FCHO2: variants seen among roughly 807,000 people sequenced by gnomAD.
The protein encoded by FCHO2 is F-BAR domain only protein 2.
Under a neutral mutation model 114.1 loss-of-function variants are expected in FCHO2, and 43 were observed. That is an observed-to-expected ratio of 0.38 (90% CI 0.30 to 0.49). The LOEUF (loss-of-function observed/expected upper bound fraction) is 0.49. Among genes scored for constraint, FCHO2 ranks in the 20% least tolerant of loss-of-function variants. FCHO2 has a pLI of 0.97. For synonymous variants in FCHO2, 293 were observed against 315.2 expected (o/e 0.93, Z 0.75); for missense variants, 807 against 950.4 (o/e 0.85, Z 1.98).
intron 8 of FCHO2, among the ~76,000 whole-genome samples, chr5:73,023,624 C>T (rs1192300809): frequency 1.3e-5 from 2 of 151,624 alleles, no homozygotes; most frequent in African/African-American, 4.9e-5. Context: ...TGCTTGAACC[C>T]GGGAGGCAGA....
intron 5 of FCHO2, chr5:72,997,738 C>T: frequency 7.0e-7 from 1 of 1,438,266 alleles, no homozygotes; most frequent in East Asian, 2.6e-5. Context: ...GTGAGGACTG[C>T]CTGGGCAGGG....
chr5:72,961,658 G>A (rs892614082), intron 1 of FCHO2, among the ~76,000 whole-genome samples: 3 of 151,432 alleles, frequency 2.0e-5, no homozygotes, highest in South Asian at 2.1e-4. Context: ...GCAATGGCGC[G>A]ATCTCAGCTC....
chr5:72,963,593 A>C (rs1342499893), intron 1 of FCHO2, among the ~76,000 whole-genome samples: 1 of 151,772 alleles, frequency 6.6e-6, no homozygotes, highest in Non-Finnish European at 1.5e-5. Context: ...CCCAGGCTGG[A>C]GTGCAGTGGC....
intron 9 of FCHO2, among the ~76,000 whole-genome samples, chr5:73,036,648 T>A (rs1183301866): frequency 6.6e-6 from 1 of 152,216 alleles, no homozygotes; most frequent in Non-Finnish European, 1.5e-5. Flanking sequence ...AGTGCTGGGA[T>A]TATAGGCATG....
At chr5:72,979,350 G>A (rs1753053508) in intron 2 of FCHO2, among the ~76,000 whole-genome samples, 2 of 120,960 alleles carry the variant, frequency 1.7e-5, no homozygotes, top group African/African-American at 6.1e-5. Flanking sequence ...GAGGGTGTAT[G>A]TGTATGTGTC....
At position 73,089,670 on chromosome 5, in the gene FCHO2, G is replaced by T. The variant is rs1378119906; in HGVS notation, c.*1580G>T. 1 of 152,392 alleles carries T rather than the reference G, an allele frequency of 6.6e-6. No homozygotes were observed. The highest frequency in any genetic ancestry group is 2.4e-5 in the African/African-American group (1 of 41,394). 9.4% of individuals were successfully genotyped at this position (152,392 alleles called of 1,614,324 possible). On this transcript the variant is annotated 3_prime_UTR_variant, in exon 26 of 26. Coordinates refer to ENST00000430046, the MANE Select transcript of FCHO2 (RefSeq NM_138782.3). ...TTGCCTAGTAGAAGTGATAAATTGT[G>T]TTATATATGATAATTTATATAAAAC...
At chr5:73,076,830 A>C (rs1742929504) in intron 20 of FCHO2, among the ~76,000 whole-genome samples, 1 of 152,166 alleles carries the variant, frequency 6.6e-6, no homozygotes, top group Non-Finnish European at 1.5e-5. Context: ...TAGACTTGGG[A>C]AATGTGATAG....
chr5:73,043,951 C>T (rs2112815725), intron 11 of FCHO2, among the ~76,000 whole-genome samples: 1 of 152,240 alleles, frequency 6.6e-6, no homozygotes. Context: ...TTGTAATCCC[C>T]AGTGTTGGAG....
chr5:72,988,637 A>T (rs1202746355), intron 2 of FCHO2, among the ~76,000 whole-genome samples: 1 of 152,210 alleles, frequency 6.6e-6, no homozygotes, highest in Non-Finnish European at 1.5e-5. Context: ...CTGATCACAA[A>T]ATAAATTAAG....
intron 16 of FCHO2, among the ~76,000 whole-genome samples, chr5:73,057,707 G>A (rs1345641504): frequency 6.6e-6 from 1 of 152,122 alleles, no homozygotes; most frequent in Admixed American, 6.6e-5. Context: ...AGGATTGGGT[G>A]CTATGTGTGA....
At position 73,041,323 on chromosome 5, in the gene FCHO2, G is replaced by T; in HGVS notation, c.939+8G>T. On this transcript the variant is annotated splice_region_variant and intron_variant, in intron 11 of 25. Transcript: ENST00000430046. Reference sequence around the variant, plus strand: ...CCTGATGCAGATTCATTGGTAAGTAGATTTAACTTTGATATAAACAATTTA... The same window carrying T: ...CCTGATGCAGATTCATTGGTAAGTATATTTAACTTTGATATAAACAATTTA... 1 of 1,462,292 alleles carries T rather than the reference G, an allele frequency of 6.8e-7. No individual in the cohort carries two copies. Among genetic ancestry groups the T allele is most frequent in the South Asian group, 1.2e-5 (1 of 86,010 alleles). The allele number at this position is 1,462,292 out of a possible 1,614,324, so 90.6% of individuals were successfully genotyped here.
chr5:73,049,122 C>T (rs1189771049), intron 11 of FCHO2, among the ~76,000 whole-genome samples: 7 of 151,956 alleles, frequency 4.6e-5, no homozygotes, highest in Admixed American at 2.6e-4. Flanking sequence ...GTGATCCGCC[C>T]GCCTCGGCCT....
chr5:72,988,982 G>A (rs560575108), intron 2 of FCHO2, among the ~76,000 whole-genome samples: 86 of 152,338 alleles, frequency 5.6e-4, no homozygotes, highest in Non-Finnish European at 1.3e-4. Flanking sequence ...GCCTAGGTGG[G>A]AGGATTGCTT....
At chr5:73,071,123 A>G (rs1439405908) in intron 19 of FCHO2, among the ~76,000 whole-genome samples, 8 of 152,038 alleles carry the variant, frequency 5.3e-5, no homozygotes, top group Non-Finnish European at 1.0e-4. Context: ...GCTGTACAGG[A>G]TCCATTATAT....
intron 2 of FCHO2, among the ~76,000 whole-genome samples, chr5:72,979,378 CTTTTTTTTTTTTT>C (rs60234739): frequency 7.2e-4 from 36 of 49,792 alleles, no homozygotes; most frequent in African/African-American, 1.9e-3. Context: ...TTATCAATTT[CTTTTTTTTTTTTT>C]TTTTTTTTTT....
intron 24 of FCHO2, among the ~76,000 whole-genome samples, chr5:73,085,849 G>T (rs1580216021): frequency 6.6e-6 from 1 of 151,194 alleles, no homozygotes; most frequent in Admixed American, 6.6e-5. Flanking sequence ...AATAGGCTGG[G>T]CACGGTGGCT....
chr5:73,050,229 A>G (rs973205230), intron 11 of FCHO2, among the ~76,000 whole-genome samples: 5 of 151,980 alleles, frequency 3.3e-5, no homozygotes, highest in African/African-American at 1.2e-4. Context: ...ATTTGTTGAT[A>G]TGTCTTAAGT....
intron 19 of FCHO2, among the ~76,000 whole-genome samples, chr5:73,074,155 G>A (rs1039523466): frequency 6.7e-6 from 1 of 149,452 alleles, no homozygotes; most frequent in African/African-American, 2.4e-5. Context: ...TCTAAAAGGT[G>A]TCTTATCTGA....
intron 10 of FCHO2, among the ~76,000 whole-genome samples, chr5:73,037,483 T>A (rs1460381738): frequency 6.6e-6 from 1 of 152,056 alleles, no homozygotes; most frequent in Non-Finnish European, 1.5e-5. Context: ...AATATCCTTA[T>A]TTTTGTAAAA....
Sources: allele counts gnomAD v4.1 joint callset (sites outside exome capture counted in the v4.1 genomes callset), GRCh38; gene constraint gnomAD v4.1.1; transcripts MANE v1.5; gene names NCBI Gene and HGNC (gene_info 2026-07-23, HGNC 2026-07-21).